The following DOCK4 variants were observed in gnomAD, a reference collection of about 807,000 sequenced individuals.
DOCK4 encodes dedicator of cytokinesis 4.
DOCK4 carries 97 observed loss-of-function variants against 268.1 expected under a neutral mutation model. The observed-to-expected ratio is 0.36, with a 90% CI of 0.31 to 0.43. The LOEUF (loss-of-function observed/expected upper bound fraction) is 0.43. Ranked by LOEUF, DOCK4 falls within the 20% of genes least tolerant of loss-of-function variation. The pLI, the probability that DOCK4 is intolerant of heterozygous loss-of-function variation, is 1.00. For synonymous variants in DOCK4, 954 were observed against 887.2 expected (o/e 1.08, Z -1.34); for missense variants, 2,145 against 2,455.7 (o/e 0.87, Z 2.67).
chr7:111,790,647 T>C (rs1366917814), intron 30 of DOCK4, 42 bp from the exon 31 acceptor site: 1 of 1,506,620 alleles, frequency 6.6e-7, no homozygotes, highest in East Asian at 2.4e-5. Context: ...TATTCAATCT[T>C]AATATGATTT....
chr7:111,925,754 C>G (rs890767334), intron 12 of DOCK4, among the ~76,000 whole-genome samples: 3 of 152,102 alleles, frequency 2.0e-5, no homozygotes, highest in Non-Finnish European at 2.9e-5. Context: ...TGTATCTCCT[C>G]TTTTAGATAT....
At chr7:112,068,359 G>C (rs972287308) in intron 1 of DOCK4, among the ~76,000 whole-genome samples, 8 of 152,180 alleles carry the variant, frequency 5.3e-5, no homozygotes, top group African/African-American at 2.4e-5. Context: ...GGGTCAGATA[G>C]GGAGGTAGCA....
At chr7:112,100,527 C>G (rs1810581731) in intron 1 of DOCK4, among the ~76,000 whole-genome samples, 1 of 152,222 alleles carries the variant, frequency 6.6e-6, no homozygotes, top group African/African-American at 2.4e-5. Context: ...AAGATTCGGC[C>G]CAAGGGCCCC....
chr7:112,021,651 A>T (rs1393469509), intron 1 of DOCK4, among the ~76,000 whole-genome samples: 1 of 152,222 alleles, frequency 6.6e-6, no homozygotes, highest in Admixed American at 6.5e-5. Flanking sequence ...GTCTCCTCTG[A>T]AGCTAATTTT....
intron 42 of DOCK4, among the ~76,000 whole-genome samples, chr7:111,751,594 T>A (rs1051769315): frequency 2.6e-5 from 4 of 152,068 alleles, no homozygotes; most frequent in Non-Finnish European, 5.9e-5. Flanking sequence ...ACAGGCGTGA[T>A]CCACCATGCC....
chr7:111,912,927 G>A (rs1031495530), intron 13 of DOCK4, among the ~76,000 whole-genome samples: 5 of 150,926 alleles, frequency 3.3e-5, no homozygotes. Context: ...GACTTTCACA[G>A]AATTTTAGAA....
chr7:111,871,560 C>A (rs1340033538), intron 20 of DOCK4, among the ~76,000 whole-genome samples: 1 of 152,166 alleles, frequency 6.6e-6, no homozygotes, highest in Non-Finnish European at 1.5e-5. Flanking sequence ...CTCAGTAAAT[C>A]CTAACATAAA....
intron 35 of DOCK4, among the ~76,000 whole-genome samples, chr7:111,782,559 C>CA (rs1307384231): frequency 6.6e-6 from 1 of 152,116 alleles, no homozygotes; most frequent in African/African-American, 2.4e-5. Context: ...AGCAACAAGA[C>CA]TCTAGGAGGG....
intron 23 of DOCK4, among the ~76,000 whole-genome samples, chr7:111,855,842 A>G (rs367895867): frequency 5.3e-5 from 8 of 152,194 alleles, no homozygotes; most frequent in Non-Finnish European, 1.2e-4. Context: ...TTTCCATCCT[A>G]ATATATTTCT....
chr7:111,852,415 T>C lies in DOCK4; in HGVS notation c.2474-5289A>G, dbSNP rs140224384. On this transcript the variant is annotated intron_variant, in intron 23 of 52. Transcript: ENST00000428084. ...AATATTCAAATCCAAACTTGTAAAA[T>C]AATTCATTGCAAGCCTTCTTTAAAC... Among the ~76,000 whole-genome samples, 330 of 151,354 alleles carry C rather than the reference T, an allele frequency of 2.2e-3. 4 individuals are homozygous for C. Among genetic ancestry groups the C allele is most frequent in the African/African-American group, 7.6e-3 (313 of 41,154 alleles).
chr7:112,125,355 T>C (rs1813119484), intron 1 of DOCK4, among the ~76,000 whole-genome samples: 1 of 152,182 alleles, frequency 6.6e-6, no homozygotes, highest in African/African-American at 2.4e-5. Flanking sequence ...ATTCAGAGTC[T>C]TTCTTTCTGA....
At chr7:112,131,202 C>T (rs942243779) in intron 1 of DOCK4, among the ~76,000 whole-genome samples, 1 of 152,140 alleles carries the variant, frequency 6.6e-6, no homozygotes, top group South Asian at 2.1e-4. Context: ...TAGATGAGAT[C>T]AGCTCTCCAT....
chr7:111,935,353 G>A lies in DOCK4; in HGVS notation c.1066+187C>T. 1.4e-5 allele frequency: 9 copies of A among 654,586 alleles called. No homozygotes were observed. The Middle Eastern group carries it at 7.5e-4, about 55-fold the overall frequency. The allele number at this position is 654,586 out of a possible 1,614,324, so 40.5% of individuals were successfully genotyped here. On this transcript the variant is annotated intron_variant, in intron 12 of 52. Coordinates refer to ENST00000428084, the MANE Select transcript of DOCK4 (RefSeq NM_001363540.2). ...ACAAGAATAGAATACATTTTTTATA[G>A]GGAGTTATAAGTACAACCCTATCAT... is the stretch of plus-strand genomic sequence containing the variant.
intron 30 of DOCK4, among the ~76,000 whole-genome samples, chr7:111,790,854 C>A (rs570854886): frequency 1.3e-5 from 2 of 151,416 alleles, no homozygotes; most frequent in African/African-American, 2.4e-5. Context: ...GTCAGGAGAT[C>A]GAGACCATCC....
At chr7:111,842,715 T>C (rs1014639424) in intron 25 of DOCK4, among the ~76,000 whole-genome samples, 1 of 152,100 alleles carries the variant, frequency 6.6e-6, no homozygotes, top group Non-Finnish European at 1.5e-5. Context: ...AGAGGCCTAG[T>C]AGAGAGTCAG....
At chr7:112,025,276 T>C (rs932157630) in intron 1 of DOCK4, among the ~76,000 whole-genome samples, 1 of 152,210 alleles carries the variant, frequency 6.6e-6, no homozygotes, top group Admixed American at 6.5e-5. Context: ...AAGCTCTCAC[T>C]GAGCTTCCAA....
chr7:111,847,655 T>TTTGG (rs1398350477), intron 23 of DOCK4, among the ~76,000 whole-genome samples: 2 of 152,178 alleles, frequency 1.3e-5, no homozygotes, highest in African/African-American at 4.8e-5. Context: ...GATCTGATGG[T>TTTGG]TTTTTAAGGG....
chr7:112,042,169 T>C (rs373619624), intron 1 of DOCK4, among the ~76,000 whole-genome samples: 30 of 152,274 alleles, frequency 2.0e-4, no homozygotes, highest in African/African-American at 7.0e-4. Flanking sequence ...TATCCAGTCC[T>C]TTGATGGAAC....
At chr7:111,869,745 G>A (rs1806261723) in intron 20 of DOCK4, 90 bp from the exon 21 acceptor site, 10 of 1,095,630 alleles carry the variant, frequency 9.1e-6, no homozygotes, top group Non-Finnish European at 1.4e-5. Context: ...ATATCATGAG[G>A]AGGTTTCTTT....
Sources: allele counts gnomAD v4.1 joint callset (sites outside exome capture counted in the v4.1 genomes callset), GRCh38; gene constraint gnomAD v4.1.1; transcripts MANE v1.5; gene names NCBI Gene and HGNC (gene_info 2026-07-23, HGNC 2026-07-21).